The following NXF3 variants were observed in gnomAD, a reference collection of about 807,000 sequenced individuals.
NXF3 encodes nuclear RNA export factor 3.
NXF3 carries 34 observed loss-of-function variants against 48.4 expected under a neutral mutation model. The ratio of observed to expected loss-of-function variants is 0.70; its 90% CI spans 0.53 to 0.93. The LOEUF (loss-of-function observed/expected upper bound fraction) is 0.93, where lower values mean the gene tolerates loss of function less well. Among genes scored for constraint, NXF3 ranks in the 40% least tolerant of loss-of-function variants. The probability of loss-of-function intolerance (pLI) is 0.00; values close to 1 mark genes in which losing one functional copy is unlikely to be tolerated. For synonymous variants in NXF3, 132 were observed against 145.7 expected, an observed-to-expected ratio of 0.91 and a Z score of 0.68; for missense variants, 359 against 406.1, an observed-to-expected ratio of 0.88 and a Z score of 1.00.
Position 103,079,386 on chromosome X carries a change from G to A in NXF3, c.1308C>T (p.Ser436=). 8.3e-7 allele frequency: 1 copy of A among 1,211,506 alleles called. No homozygotes were observed. Among genetic ancestry groups the A allele is most frequent in the Non-Finnish European group, 1.1e-6 (1 of 895,156 alleles). The stretch of plus-strand genomic sequence containing the variant: ...TCTGGTACCACATGTCCACCAGGAA[G>A]GAGCTGAGGTCATGCTGAGTTTTAG... ...ALPKTQHDLS[S]FLVDMWYQTE... The change falls in exon 15 of 20, where the codon TCC becomes TCT. Residue 436 remains serine, a synonymous_variant. Coordinates refer to ENST00000395065, the MANE Select transcript of NXF3 (RefSeq NM_022052.2).
chrX:103,082,701 C>T, intron 8 of NXF3, 59 bp downstream of exon 8: 1 of 954,774 alleles, frequency 1.0e-6, no homozygotes, highest in Non-Finnish European at 1.5e-6. Flanking sequence ...GACCAATTAG[C>T]CTCCTAGCTA....
intron 9 of NXF3, chrX:103,082,037 G>A: frequency 2.4e-6 from 1 of 415,801 alleles, no homozygotes; most frequent in East Asian, 4.0e-5. Context: ...GGAGACAGGT[G>A]GGAAACACAT....
intron 10 of NXF3, 82 bp downstream of exon 10, chrX:103,080,494 G>T: frequency 1.2e-5 from 12 of 967,460 alleles, no homozygotes; most frequent in Non-Finnish European, 1.8e-5. Flanking sequence ...ATGTAACTGG[G>T]ACAATATCTA....
At position 103,082,285 on chromosome X, in the gene NXF3, G is replaced by A. The variant is rs764974230; in HGVS notation, c.860C>T (p.Thr287Met). 35 of 1,206,014 alleles carry A rather than the reference G, an allele frequency of 2.9e-5. No individual in the cohort carries two copies. The African/African-American group carries it at 4.9e-4, about 17-fold the overall frequency. The change falls in exon 9 of 20, where the codon ACG becomes ATG. Residue 287 changes from threonine (T) to methionine (M), a missense_variant. Transcript: ENST00000395065. The stretch of plus-strand genomic sequence containing the variant: ...GTTGCTGGAGGTATCCGAGAAGGTC[G>A]TGCACACTGGGCTTCTGTCCGCACA... The part of the protein sequence containing the change: ...EKCADRSPVC[T>M]TFSDTSSNIN...
Position 103,077,795 on chromosome X carries a change from C to T in NXF3, c.1452-49G>A, listed in dbSNP as rs764163969. 23 of 1,181,423 alleles carry T rather than the reference C, an allele frequency of 1.9e-5. No homozygotes were observed. The East Asian group carries it at 6.9e-4, about 36-fold the overall frequency. ...GTAGCCGGAGAGAAGGACACCTCCC[C>T]ACCCGCTACAAGGATCTTTTTCCTA... On this transcript the variant is annotated intron_variant, in intron 17 of 19. Transcript: ENST00000395065.
chrX:103,084,650 C>T, intron 2 of NXF3, 65 bp downstream of exon 2: 1 of 1,147,410 alleles, frequency 8.7e-7, no homozygotes, highest in Non-Finnish European at 1.2e-6. Context: ...ATGACATATT[C>T]AGCTACAGAG....
chrX:103,082,117 G>T, intron 9 of NXF3, 138 bp downstream of exon 9: 1 of 525,955 alleles, frequency 1.9e-6, no homozygotes, highest in South Asian at 2.7e-5. Flanking sequence ...ATGAATGAGT[G>T]ACACAGAGAG....
intron 17 of NXF3, 26 bp downstream of exon 17, chrX:103,078,534 G>A (rs1199309316): frequency 1.7e-6 from 2 of 1,211,681 alleles, no homozygotes; most frequent in Non-Finnish European, 1.1e-6. Context: ...TGGGATGGGT[G>A]CTCCCACCCA....
At chrX:103,082,718 T>C in intron 8 of NXF3, 42 bp downstream of exon 8, 1 of 1,076,651 alleles carries the variant, frequency 9.3e-7, no homozygotes, top group Non-Finnish European at 1.3e-6. Flanking sequence ...GCTAATCTCT[T>C]CCACCTTCAC....
intron 16 of NXF3, 127 bp from the exon 17 acceptor site, chrX:103,078,759 TG>T: frequency 9.7e-7 from 1 of 1,033,850 alleles, no homozygotes; most frequent in East Asian, 3.0e-5. Flanking sequence ...GTTGTTCACT[TG>T]GAGTGAGGCG....
At chrX:103,087,418 C>T in intron 1 of NXF3, 1 of 1,144,432 alleles carries the variant, frequency 8.7e-7, no homozygotes, top group Non-Finnish European at 1.2e-6. Flanking sequence ...GAGGCATCAG[C>T]TAACTCATAA....
intron 1 of NXF3, chrX:103,087,971 A>G: frequency 1.0e-6 from 1 of 963,768 alleles, no homozygotes; most frequent in Non-Finnish European, 1.5e-6. Context: ...CCCCTGCCTA[A>G]TAAGTTAAAT....
chrX:103,089,238 C>T (rs1569281802), intron 1 of NXF3: 5 of 569,063 alleles, frequency 8.8e-6, no homozygotes, highest in East Asian at 3.4e-5. Context: ...ATTTAAAGAA[C>T]GACCACAAGA....
intron 1 of NXF3, among the ~76,000 whole-genome samples, chrX:103,091,206 T>A (rs1922263266): frequency 9.1e-6 from 1 of 110,463 alleles, no homozygotes; most frequent in African/African-American, 3.3e-5. Flanking sequence ...GCTACTATAC[T>A]TTTTTTTTGA....
chrX:103,089,194 A>G, intron 1 of NXF3: 1 of 682,663 alleles, frequency 1.5e-6, no homozygotes, highest in East Asian at 3.2e-5. Context: ...ACATTCCGAC[A>G]GGCTCCTCAC....
At chrX:103,079,940 G>T in intron 12 of NXF3, 70 bp from the exon 13 acceptor site, 8 of 1,179,048 alleles carry the variant, frequency 6.8e-6, no homozygotes, top group African/African-American at 1.7e-5. Context: ...AAGTCTGACT[G>T]TAGGCAGACT....
intron 16 of NXF3, 121 bp downstream of exon 16, chrX:103,079,100 C>T (rs763453239): frequency 3.3e-5 from 25 of 764,043 alleles, no homozygotes; most frequent in Middle Eastern, 3.0e-4. Flanking sequence ...TGGGAAAACA[C>T]GGAGGGAACA....
chrX:103,088,532 G>A, intron 1 of NXF3: 1 of 1,098,683 alleles, frequency 9.1e-7, no homozygotes, highest in Non-Finnish European at 1.2e-6. Flanking sequence ...GTCAATCTGT[G>A]GCTCATCAGG....
chrX:103,080,788 C>G (rs768824440), intron 9 of NXF3, 176 bp from the exon 10 acceptor site: 33 of 466,028 alleles, frequency 7.1e-5, no homozygotes, highest in African/African-American at 6.8e-4. Context: ...GACTTTCTTC[C>G]CCTCCCTCCA....
Sources: gnomAD v4.1 joint callset for allele counts (sites outside exome capture counted in the v4.1 genomes callset) on GRCh38, gnomAD v4.1.1 for gene constraint, MANE v1.5 for transcripts, NCBI Gene and HGNC (gene_info 2026-07-23, HGNC 2026-07-21) for gene names.